The following TAC1 variants were observed in gnomAD, a reference collection of about 807,000 sequenced individuals.
TAC1 encodes the protein tachykinin precursor 1.
Under a neutral mutation model 21.7 loss-of-function variants are expected in TAC1, and 12 were observed. The observed-to-expected ratio is 0.55, with a 90% CI of 0.35 to 0.89. The LOEUF (loss-of-function observed/expected upper bound fraction) is 0.89. Among genes scored for constraint, TAC1 ranks in the 40% least tolerant of loss-of-function variants. The probability of loss-of-function intolerance (pLI) is 0.01; values close to 1 mark genes in which losing one functional copy is unlikely to be tolerated. For missense variants in TAC1, 128 were observed against 151.4 expected (o/e 0.85, Z 0.81); for synonymous variants, 52 against 52.0 (o/e 1.00, Z 0.00).
At chr7:97,734,420 ACT>A (rs997219289) in intron 4 of TAC1, 128 bp downstream of exon 4, 8 of 736,734 alleles carry the variant, frequency 1.1e-5, no homozygotes, top group Admixed American at 2.6e-5. Flanking sequence ...GGATTTGCGC[ACT>A]CTCTCTCGGT....
Position 97,732,379 on chromosome 7 carries a change from G to GT in TAC1, c.-10+186dup, listed in dbSNP as rs1465554502. ...CTGGTTTGAAGGTGTGGGTTGGTGG[G>GT]TTAGGGGGCTGGGGGAGTTGGGATT... On this transcript the variant is annotated intron_variant, in intron 1 of 6. Transcript: ENST00000319273. This position sits in a 1 kb window ranked among gnomAD's most constrained non-coding sequence, Gnocchi z 6.2. Among the ~76,000 whole-genome samples, 1 of 152,184 alleles carries GT rather than the reference G, an allele frequency of 6.6e-6. No homozygotes were observed. Among genetic ancestry groups the GT allele is most frequent in the Non-Finnish European group, 1.5e-5 (1 of 68,026 alleles).
intron 3 of TAC1, 195 bp downstream of exon 3, chr7:97,734,014 G>T (rs1460745549): frequency 1.9e-5 from 13 of 688,358 alleles, no homozygotes; most frequent in Non-Finnish European, 2.9e-5. Context: ...GATCTGGTTC[G>T]CATGCCTCAC....
intron 5 of TAC1, among the ~76,000 whole-genome samples, chr7:97,735,661 TA>T (rs1789561679): frequency 6.7e-6 from 1 of 149,748 alleles, no homozygotes; most frequent in African/African-American, 2.5e-5. Context: ...ATTAAAATAG[TA>T]ACCTTTCCAA....
chr7:97,735,538 C>T (rs1052472939), intron 5 of TAC1, among the ~76,000 whole-genome samples: 2 of 152,132 alleles, frequency 1.3e-5, no homozygotes, highest in Admixed American at 6.5e-5. Flanking sequence ...GTCCACTCAC[C>T]TATTGTACCC....
rs976710424 is a variant in TAC1, at chr7:97,734,686, T to C, written c.266-140T>C. 7.4e-6 allele frequency: 5 copies of C among 671,164 alleles called. No homozygotes were observed. In the South Asian group the frequency reaches 8.4e-5, roughly 11 times the overall value. The allele number at this position is 671,164 out of a possible 1,614,324, so 41.6% of individuals were successfully genotyped here. On this transcript the variant is annotated intron_variant, in intron 4 of 6. Transcript: ENST00000319273. The stretch of plus-strand genomic sequence containing the variant: ...TGATTAATAATTTGTTTAGCATTTA[T>C]GGTTCTGCTTTATTCCTCAGGATAA...
chr7:97,732,844 A>G lies in TAC1; in HGVS notation c.123+109A>G. On this transcript the variant is annotated intron_variant, in intron 2 of 6. Coordinates refer to ENST00000319273, the MANE Select transcript of TAC1 (RefSeq NM_003182.3). The surrounding 1 kb of genome is among the most constrained non-coding windows in gnomAD (Gnocchi z 6.2). Reference sequence around the variant, plus strand: ...ACGTGGCACGCACCGCCACCACGGAAAGAGGCAGCGGTTGCGTGCGAGAGG... The same window carrying G: ...ACGTGGCACGCACCGCCACCACGGAGAGAGGCAGCGGTTGCGTGCGAGAGG... 1 of 1,409,184 alleles carries G rather than the reference A, an allele frequency of 7.1e-7. No individual in the cohort carries two copies. Among genetic ancestry groups the G allele is most frequent in the South Asian group, 1.4e-5 (1 of 73,582 alleles). 87.3% of individuals were successfully genotyped at this position (1,409,184 alleles called of 1,614,324 possible). A position where few individuals can be genotyped will look rare whatever the true frequency, so the allele number is the denominator to read the frequency against.
intron 6 of TAC1, 99 bp from the exon 7 acceptor site, chr7:97,739,775 T>TATA: frequency 2.7e-6 from 2 of 733,670 alleles, no homozygotes; most frequent in Non-Finnish European, 4.4e-6. Flanking sequence ...AAAATGTCAT[T>TATA]ATGAGTTTAA....
intron 6 of TAC1, 29 bp downstream of exon 6, chr7:97,736,381 A>C (rs751212163): frequency 6.4e-7 from 1 of 1,559,790 alleles, no homozygotes; most frequent in South Asian, 1.1e-5. Context: ...CTGAAAATAG[A>C]CAGTATCTCA....
chr7:97,733,655 G>T (rs1488168965), intron 2 of TAC1, 68 bp from the exon 3 acceptor site: 2 of 1,515,406 alleles, frequency 1.3e-6, no homozygotes, highest in East Asian at 4.5e-5. Flanking sequence ...CGGGGGGAAG[G>T]GCTCGGGTTG....
At chr7:97,734,173 A>C in intron 3 of TAC1, 75 bp from the exon 4 acceptor site, 2 of 1,424,846 alleles carry the variant, frequency 1.4e-6, no homozygotes, top group South Asian at 2.3e-5. Flanking sequence ...TTGTCTTGGG[A>C]TAGAAATATC....
At chr7:97,733,842 G>A (rs1292429882) in intron 3 of TAC1, 23 bp downstream of exon 3, 9 of 1,612,102 alleles carry the variant, frequency 5.6e-6, no homozygotes, top group Non-Finnish European at 7.6e-6. Flanking sequence ...ACCGTCCCTA[G>A]GTGTCTTGGG....
At chr7:97,737,246 T>G (rs1269212984) in intron 6 of TAC1, among the ~76,000 whole-genome samples, 1 of 151,986 alleles carries the variant, frequency 6.6e-6, no homozygotes, top group Non-Finnish European at 1.5e-5. Flanking sequence ...TTGCCTTCAG[T>G]GAAAATAGAA....
Position 97,733,770 on chromosome 7 carries a change from G to C in TAC1, c.171G>C (p.Arg57=), listed in dbSNP as rs766687646. 3.1e-6 allele frequency: 5 copies of C among 1,614,174 alleles called. No individual in the cohort carries two copies. The highest frequency in any genetic ancestry group is 4.2e-6 in the Non-Finnish European group (5 of 1,180,030). The change falls in exon 3 of 7, where the codon CGG becomes CGC. Residue 57 remains arginine (R), a synonymous_variant. Coordinates refer to ENST00000319273, the MANE Select transcript of TAC1 (RefSeq NM_003182.3). ...PFEHLLQRIA[R]RPKPQQFFGL... is the part of the protein sequence containing the mutation. Reference sequence around the variant, plus strand: ...AGCATCTTCTGCAGAGAATCGCCCGGAGACCCAAGCCTCAGCAGTTCTTTG... The same window carrying C: ...AGCATCTTCTGCAGAGAATCGCCCGCAGACCCAAGCCTCAGCAGTTCTTTG...
intron 6 of TAC1, among the ~76,000 whole-genome samples, chr7:97,737,587 C>A (rs377160497): frequency 1.3e-5 from 2 of 151,942 alleles, no homozygotes; most frequent in South Asian, 2.1e-4. Flanking sequence ...TCATAATTGA[C>A]CTTTTGATAC....
chr7:97,736,424 T>G (rs1789575496), intron 6 of TAC1, 72 bp downstream of exon 6: 2 of 1,387,842 alleles, frequency 1.4e-6, no homozygotes, highest in Admixed American at 4.0e-5. Context: ...GACATAGTTT[T>G]AAAATATTAA....
rs2115826386 is a variant in TAC1 at position 97,732,288 on chromosome 7, G to C, written c.-10+93G>C. The C allele has an allele frequency of 5.1e-6, 1 of 196,000 alleles. No individual in the cohort carries two copies. Among genetic ancestry groups the C allele is most frequent in the African/African-American group, 2.3e-5 (1 of 42,908 alleles). 12.1% of individuals were successfully genotyped at this position (196,000 alleles called of 1,614,324 possible). A position where few individuals can be genotyped will look rare whatever the true frequency, so the allele number is the denominator to read the frequency against. Reference sequence around the variant, plus strand: ...CGCGCTGGGGGCGCCGCTGCGGCGAGGGACAGTGGGGAGACTGGCTTCCCA... The same window carrying C: ...CGCGCTGGGGGCGCCGCTGCGGCGACGGACAGTGGGGAGACTGGCTTCCCA... On this transcript the variant is annotated intron_variant, in intron 1 of 6. Transcript: ENST00000319273. The surrounding 1 kb of genome is among the most constrained non-coding windows in gnomAD (Gnocchi z 6.2).
At chr7:97,736,458 G>C in intron 6 of TAC1, 106 bp downstream of exon 6, 3 of 1,067,518 alleles carry the variant, frequency 2.8e-6, no homozygotes, top group Non-Finnish European at 4.2e-6. Context: ...ATATAAAAAT[G>C]AGTATTATGG....
At chr7:97,733,442 G>A (rs1439599558) in intron 2 of TAC1, among the ~76,000 whole-genome samples, 1 of 152,026 alleles carries the variant, frequency 6.6e-6, no homozygotes, top group African/African-American at 2.4e-5. Context: ...GATGAGGGAA[G>A]GTCCCCGGGC....
At chr7:97,733,143 G>C (rs1022136321) in intron 2 of TAC1, 1 of 185,776 alleles carries the variant, frequency 5.4e-6, no homozygotes, top group Non-Finnish European at 1.1e-5. Flanking sequence ...GCACACGCGC[G>C]AGCTGCAGGG....
Sources: gnomAD v4.1 joint callset for allele counts (sites outside exome capture counted in the v4.1 genomes callset) on GRCh38, gnomAD v4.1.1 for gene constraint, Gnocchi (gnomAD v3.1) non-coding constraint, MANE v1.5 for transcripts, NCBI Gene and HGNC (gene_info 2026-07-23, HGNC 2026-07-21) for gene names.